The following SLC38A6 variants were observed in gnomAD, a reference collection of about 807,000 sequenced individuals.
SLC38A6 encodes the protein N system amino acid transporter NAT-1.
A neutral mutation model predicts 65.0 loss-of-function variants in SLC38A6; 73 were observed. The observed-to-expected ratio is 1.12, with a 90% CI of 0.93 to 1.37. The LOEUF (loss-of-function observed/expected upper bound fraction) is 1.37, where lower values mean the gene tolerates loss of function less well. Among genes scored for constraint, SLC38A6 ranks in the 40% most tolerant of loss-of-function variants. The pLI is 0.00. For missense variants in SLC38A6, 561 were observed against 531.1 expected (o/e 1.06, Z -0.55); for synonymous variants, 183 against 178.8 (o/e 1.02, Z -0.19).
chr14:61,074,325 A>G (rs1451679222), intron 15 of SLC38A6, among the ~76,000 whole-genome samples: 1 of 152,252 alleles, frequency 6.6e-6, no homozygotes, highest in Non-Finnish European at 1.5e-5. Flanking sequence ...CTATAACAAA[A>G]TACCATAGAT....
intron 5 of SLC38A6, among the ~76,000 whole-genome samples, chr14:61,023,040 C>T (rs140361960): frequency 1.3e-5 from 2 of 152,126 alleles, no homozygotes; most frequent in East Asian, 3.9e-4. Flanking sequence ...CTAACTTTAC[C>T]TAGTTTCTGA....
At chr14:61,010,525 T>A (rs2039479807) in intron 3 of SLC38A6, among the ~76,000 whole-genome samples, 1 of 152,228 alleles carries the variant, frequency 6.6e-6, no homozygotes. Flanking sequence ...GGTCTAACAT[T>A]TAAGTCTTTA....
intron 16 of SLC38A6, among the ~76,000 whole-genome samples, chr14:61,082,038 A>G (rs915910179): frequency 2.0e-5 from 3 of 152,140 alleles, no homozygotes; most frequent in Non-Finnish European, 4.4e-5. Flanking sequence ...GTGTAGTCCC[A>G]GGTGCCTGGC....
intron 3 of SLC38A6, among the ~76,000 whole-genome samples, chr14:60,993,681 G>A (rs1189232177): frequency 1.3e-5 from 2 of 152,190 alleles, no homozygotes; most frequent in Non-Finnish European, 2.9e-5. Context: ...AGAAAGAGCT[G>A]AGTACCTCCT....
At chr14:61,015,840 C>A in intron 3 of SLC38A6, 64 bp from the exon 4 acceptor site, 1 of 1,334,910 alleles carries the variant, frequency 7.5e-7, no homozygotes, top group Non-Finnish European at 1.0e-6. Context: ...ACCTGCTCTT[C>A]TCTTTAGGAC....
chr14:61,011,282 C>T (rs1436475532), intron 3 of SLC38A6, among the ~76,000 whole-genome samples: 4 of 151,924 alleles, frequency 2.6e-5, no homozygotes, highest in African/African-American at 9.7e-5. Context: ...GATTTTGGGC[C>T]GAGATGGTGG....
At chr14:61,053,869 A>C (rs140183764), downstream of SLC38A6, among the ~76,000 whole-genome samples, 768 of 152,032 alleles carry the variant, frequency 5.1e-3, 12 homozygotes, top group African/African-American at 0.017. Context: ...GAAGCTCTTA[A>C]GTTTAATTAG....
chr14:61,039,136 T>C (rs960887465), intron 8 of SLC38A6, among the ~76,000 whole-genome samples: 1 of 152,304 alleles, frequency 6.6e-6, no homozygotes, highest in Non-Finnish European at 1.5e-5. Context: ...ATTGATATGA[T>C]ATGTCTACTG....
At chr14:61,000,546 G>T (rs1337525454) in intron 3 of SLC38A6, among the ~76,000 whole-genome samples, 1 of 152,146 alleles carries the variant, frequency 6.6e-6, no homozygotes, top group African/African-American at 2.4e-5. Flanking sequence ...CAGGAGAATC[G>T]CTTGAACCCG....
chr14:61,042,586 G>A (rs2041877581), intron 8 of SLC38A6, among the ~76,000 whole-genome samples: 1 of 152,100 alleles, frequency 6.6e-6, no homozygotes, highest in Non-Finnish European at 1.5e-5. Flanking sequence ...TTTACCAGCT[G>A]GAGTTCCCTA....
chr14:61,066,609 G>T (rs1205399277), intron 15 of SLC38A6, among the ~76,000 whole-genome samples: 1 of 152,176 alleles, frequency 6.6e-6, no homozygotes, highest in East Asian at 1.9e-4. Flanking sequence ...TCACTTGTTT[G>T]AGTGTACAGT....
chr14:61,010,695 A>G lies in SLC38A6; in HGVS notation c.311-5209A>G, dbSNP rs143240169. Among the ~76,000 whole-genome samples the G allele has an allele frequency of 1.7e-3, 265 of 152,192 alleles. No individual in the cohort carries two copies. The East Asian group carries it at 0.028, about 16-fold the overall frequency. Reference sequence around the variant, plus strand: ...TTTGTCAAAGTTCAGATAGTTGTAGATATGCGACATTATTTCTGAGGGCTC... The same window carrying G: ...TTTGTCAAAGTTCAGATAGTTGTAGGTATGCGACATTATTTCTGAGGGCTC... On this transcript the variant is annotated intron_variant, in intron 3 of 15. Coordinates refer to ENST00000267488, the MANE Select transcript of SLC38A6 (RefSeq NM_153811.3).
chr14:61,040,452 G>A (rs2041726355), intron 8 of SLC38A6, among the ~76,000 whole-genome samples: 1 of 149,338 alleles, frequency 6.7e-6, no homozygotes, highest in Admixed American at 6.8e-5. Context: ...GCATTCTCTT[G>A]CCTCAGCCTC....
At chr14:60,993,663 G>T (rs1187859916) in intron 3 of SLC38A6, among the ~76,000 whole-genome samples, 4 of 152,128 alleles carry the variant, frequency 2.6e-5, no homozygotes, top group African/African-American at 9.7e-5. Flanking sequence ...ATAGTTGAGG[G>T]CCCTTCAAGA....
chr14:61,076,168 C>A (rs956289948), intron 15 of SLC38A6, among the ~76,000 whole-genome samples: 2 of 152,152 alleles, frequency 1.3e-5, no homozygotes, highest in African/African-American at 4.8e-5. Flanking sequence ...AACTCAACTT[C>A]TACTTAGATG....
chr14:60,983,137 T>A (rs1434197280), intron 2 of SLC38A6, among the ~76,000 whole-genome samples: 1 of 152,204 alleles, frequency 6.6e-6, no homozygotes, highest in Non-Finnish European at 1.5e-5. Context: ...TAGAAGACAA[T>A]CCTGGATATT....
At chr14:61,014,612 C>T (rs1478806973) in intron 3 of SLC38A6, among the ~76,000 whole-genome samples, 3 of 152,152 alleles carry the variant, frequency 2.0e-5, no homozygotes, top group African/African-American at 7.2e-5. Flanking sequence ...AGTTAGGACC[C>T]TCAGCTGCAG....
At chr14:60,994,305 G>A (rs1219705864) in intron 3 of SLC38A6, among the ~76,000 whole-genome samples, 1 of 152,220 alleles carries the variant, frequency 6.6e-6, no homozygotes, top group Non-Finnish European at 1.5e-5. Context: ...CAGCACTTTG[G>A]GAGGCCAAGG....
At chr14:61,019,801 G>GT (rs1470520480) in intron 5 of SLC38A6, among the ~76,000 whole-genome samples, 1 of 151,752 alleles carries the variant, frequency 6.6e-6, no homozygotes, top group East Asian at 1.9e-4. Context: ...GATTGCAGTC[G>GT]TGTTATTAGG....
Sources: allele counts gnomAD v4.1 joint callset (sites outside exome capture counted in the v4.1 genomes callset), GRCh38; gene constraint gnomAD v4.1.1; transcripts MANE v1.5; gene names NCBI Gene and HGNC (gene_info 2026-07-23, HGNC 2026-07-21).